The following DLG1 variants were observed in gnomAD, a reference collection of about 807,000 sequenced individuals.
DLG1 encodes the protein disks large homolog 1.
In DLG1, 42 loss-of-function variants were observed where a neutral mutation model predicts 123.4. The observed-to-expected ratio is 0.34, with a 90% CI of 0.27 to 0.44. The LOEUF (loss-of-function observed/expected upper bound fraction) is 0.44. Among genes scored for constraint, DLG1 ranks in the 20% least tolerant of loss-of-function variants. The pLI is 1.00. For missense variants in DLG1, 942 were observed against 1,082.6 expected, an observed-to-expected ratio of 0.87 and a Z score of 1.82; for synonymous variants, 317 against 356.2, an observed-to-expected ratio of 0.89 and a Z score of 1.24.
chr3:197,173,016 A>G (rs1279340230), intron 5 of DLG1, among the ~76,000 whole-genome samples: 1 of 152,138 alleles, frequency 6.6e-6, no homozygotes, highest in Non-Finnish European at 1.5e-5. Context: ...GTTCCCCTAC[A>G]GGTAGCTACT....
chr3:197,122,144 A>T (rs986277787), intron 11 of DLG1, among the ~76,000 whole-genome samples: 2 of 152,078 alleles, frequency 1.3e-5, no homozygotes, highest in Non-Finnish European at 2.9e-5. Flanking sequence ...TATTATAAGG[A>T]TGTGGGTTTT....
intron 11 of DLG1, among the ~76,000 whole-genome samples, chr3:197,125,578 C>CTGAG (rs1363888382): frequency 6.6e-6 from 1 of 152,086 alleles, no homozygotes; most frequent in Admixed American, 6.5e-5. Context: ...GGTGAATGAA[C>CTGAG]TGAGGGTTGT....
chr3:197,091,480 G>A (rs2149180334), intron 14 of DLG1, among the ~76,000 whole-genome samples: 1 of 151,848 alleles, frequency 6.6e-6, no homozygotes, highest in South Asian at 2.1e-4. Context: ...ACTTCAATAT[G>A]GAACTTGTGC....
intron 3 of DLG1, 96 bp from the exon 4 acceptor site, chr3:197,282,941 C>T (rs1287733939): frequency 1.5e-6 from 1 of 650,404 alleles, no homozygotes; most frequent in Non-Finnish European, 2.5e-6. Flanking sequence ...AATTTTTACT[C>T]TAGATTAGTA....
chr3:197,294,099 G>A (rs1323738119), intron 3 of DLG1, among the ~76,000 whole-genome samples: 1 of 151,918 alleles, frequency 6.6e-6, no homozygotes, highest in African/African-American at 2.4e-5. Context: ...TTCAGACTAA[G>A]TATTAAAAGT....
chr3:197,212,993 G>A (rs772511303), intron 4 of DLG1, among the ~76,000 whole-genome samples: 2 of 152,136 alleles, frequency 1.3e-5, no homozygotes, highest in Non-Finnish European at 2.9e-5. Flanking sequence ...TGGAGCGACT[G>A]GGACTCTCAT....
intron 4 of DLG1, among the ~76,000 whole-genome samples, chr3:197,251,948 G>A (rs1222513833): frequency 6.6e-6 from 1 of 152,172 alleles, no homozygotes. Context: ...TTCACTAATT[G>A]TTAGAAGATC....
intron 16 of DLG1, among the ~76,000 whole-genome samples, chr3:197,082,261 T>A (rs958679573): frequency 6.6e-6 from 1 of 152,030 alleles, no homozygotes; most frequent in African/African-American, 2.4e-5. Flanking sequence ...TCCCAGCTAC[T>A]TGGGAGGCTG....
In DLG1 at chr3:197,287,967, A is replaced by G. The variant is rs574655099; in HGVS notation, c.152-5122T>C. Among the ~76,000 whole-genome samples, 48 of 152,372 alleles carry G rather than the reference A, an allele frequency of 3.2e-4. 1 individual carries two copies. In the East Asian group the frequency reaches 5.2e-3, roughly 17 times the overall value. On this transcript the variant is annotated intron_variant, in intron 3 of 24. Coordinates refer to ENST00000667157, the MANE Select transcript of DLG1 (RefSeq NM_001366207.1). ...TCATTTCTAGGAGTTTGTCCTAAGA[A>G]TATAGTAAAGAATTGAAACAAAAAT...
intron 18 of DLG1, among the ~76,000 whole-genome samples, chr3:197,074,454 T>C (rs758498740): frequency 2.6e-5 from 4 of 152,132 alleles, no homozygotes; most frequent in Non-Finnish European, 4.4e-5. Context: ...ACCAAATTCT[T>C]CATTTAGTTT....
chr3:197,172,401 T>C (rs1012436265), intron 5 of DLG1, among the ~76,000 whole-genome samples: 11 of 152,216 alleles, frequency 7.2e-5, no homozygotes, highest in Non-Finnish European at 1.3e-4. Flanking sequence ...ATACACCGTA[T>C]TCCCATTAAC....
intron 24 of DLG1, among the ~76,000 whole-genome samples, chr3:197,047,524 TCCAAAGAC>T (rs1450470711): frequency 7.3e-6 from 1 of 137,144 alleles, no homozygotes; most frequent in East Asian, 1.9e-4. Flanking sequence ...AACAAAAATG[TCCAAAGAC>T]TTGAGGAGGA....
rs1377117849 is a variant in DLG1 at position 197,123,261 on chromosome 3, T to C, written c.1166-3731A>G. Reference sequence around the variant, plus strand: ...CAGGTCACTAAAAGCACTACCTTAATAGAAAAGACTGATAAGGAATTAAAA... The same window carrying C: ...CAGGTCACTAAAAGCACTACCTTAACAGAAAAGACTGATAAGGAATTAAAA... On this transcript the variant is annotated intron_variant, in intron 11 of 24. Transcript: ENST00000667157. Among the ~76,000 whole-genome samples, 7 of 152,120 alleles carry C rather than the reference T, an allele frequency of 4.6e-5. No individual in the cohort carries two copies. The East Asian group carries it at 1.3e-3, about 29-fold the overall frequency.
At chr3:197,076,473 C>T in intron 18 of DLG1, 113 bp downstream of exon 18, 1 of 710,692 alleles carries the variant, frequency 1.4e-6, no homozygotes, top group East Asian at 2.9e-5. Context: ...CCCTTGAAGA[C>T]AATTAGCAAC....
chr3:197,173,613 A>AAT (rs1421609928), intron 5 of DLG1, among the ~76,000 whole-genome samples: 1 of 152,210 alleles, frequency 6.6e-6, no homozygotes, highest in East Asian at 1.9e-4. Context: ...CTGCAAAGAC[A>AAT]ATATATATTA....
At chr3:197,120,784 T>A (rs1264726051) in intron 11 of DLG1, among the ~76,000 whole-genome samples, 1 of 152,206 alleles carries the variant, frequency 6.6e-6, no homozygotes, top group African/African-American at 2.4e-5. Context: ...CTATTGATAT[T>A]ACAGGTTTGC....
intron 5 of DLG1, among the ~76,000 whole-genome samples, chr3:197,190,472 G>A (rs2150219700): frequency 6.6e-6 from 1 of 152,300 alleles, no homozygotes; most frequent in Middle Eastern, 3.4e-3. Flanking sequence ...GATTGCATTT[G>A]TTTGAAATCT....
At chr3:197,086,584 A>C (rs1454020844) in intron 15 of DLG1, among the ~76,000 whole-genome samples, 6 of 152,226 alleles carry the variant, frequency 3.9e-5, no homozygotes, top group African/African-American at 1.4e-4. Flanking sequence ...CCAACATTTA[A>C]GAACCTAGCT....
intron 4 of DLG1, among the ~76,000 whole-genome samples, chr3:197,259,000 A>G (rs1758137895): frequency 6.6e-6 from 1 of 152,168 alleles, no homozygotes; most frequent in Non-Finnish European, 1.5e-5. Flanking sequence ...TTGCTAAAAG[A>G]GTCAATGTAA....
Sources: gnomAD v4.1 joint callset for allele counts (sites outside exome capture counted in the v4.1 genomes callset) on GRCh38, gnomAD v4.1.1 for gene constraint, MANE v1.5 for transcripts, NCBI Gene and HGNC (gene_info 2026-07-23, HGNC 2026-07-21) for gene names.